Variants in METTL25 observed in about 807,000 individuals in gnomAD.
The protein encoded by METTL25 is probable methyltransferase-like protein 25.
Under a neutral mutation model 71.6 loss-of-function variants are expected in METTL25, and 64 were observed. That is an observed-to-expected ratio of 0.89 (90% CI 0.73 to 1.10). The LOEUF is 1.10. Ranked by LOEUF, METTL25 falls within the 50% of genes least tolerant of loss-of-function variation. The pLI, the probability that METTL25 is intolerant of heterozygous loss-of-function variation, is 0.00. For synonymous variants in METTL25, 287 were observed against 250.3 expected (o/e 1.15, Z -1.38); for missense variants, 807 against 707.0 (o/e 1.14, Z -1.60).
intron 9 of METTL25, among the ~76,000 whole-genome samples, chr12:82,473,730 G>A (rs1397217835): frequency 6.6e-6 from 1 of 152,166 alleles, no homozygotes; most frequent in East Asian, 1.9e-4. Flanking sequence ...GCCCTCAGGA[G>A]AGGGCACGCA....
intron 1 of METTL25, among the ~76,000 whole-genome samples, chr12:82,360,977 G>T (rs900960901): frequency 1.2e-4 from 19 of 152,184 alleles, no homozygotes; most frequent in African/African-American, 4.6e-4. Context: ...AACGCAGTGT[G>T]GACCCAAAGA....
chr12:82,370,327 G>T (rs1312735740), intron 1 of METTL25, among the ~76,000 whole-genome samples: 2 of 152,180 alleles, frequency 1.3e-5, no homozygotes, highest in Non-Finnish European at 2.9e-5. Flanking sequence ...AAAATATAGG[G>T]CCCGAAGGTG....
chr12:82,397,199 T>A (rs968150083), intron 3 of METTL25, among the ~76,000 whole-genome samples: 1 of 152,128 alleles, frequency 6.6e-6, no homozygotes, highest in African/African-American at 2.4e-5. Flanking sequence ...CCATTTTACA[T>A]CTGCGTACAT....
intron 9 of METTL25, among the ~76,000 whole-genome samples, chr12:82,471,511 A>T (rs1462080708): frequency 6.6e-6 from 1 of 152,238 alleles, no homozygotes; most frequent in Non-Finnish European, 1.5e-5. Context: ...GCATTCTGTG[A>T]AACAGAATAT....
chr12:82,452,168 G>A (rs776253361), intron 8 of METTL25, among the ~76,000 whole-genome samples: 3 of 152,140 alleles, frequency 2.0e-5, no homozygotes, highest in Non-Finnish European at 4.4e-5. Context: ...TCAAGAAACT[G>A]TAAAGATTTT....
chr12:82,469,965 C>T (rs1431869306), intron 9 of METTL25, among the ~76,000 whole-genome samples: 1 of 152,132 alleles, frequency 6.6e-6, no homozygotes, highest in Non-Finnish European at 1.5e-5. Context: ...TATGCTAAAA[C>T]TGACTCAGTC....
At chr12:82,402,435 C>T (rs1334514669) in intron 4 of METTL25, among the ~76,000 whole-genome samples, 1 of 151,830 alleles carries the variant, frequency 6.6e-6, no homozygotes. Context: ...TTGATTAGTC[C>T]AATTTTTGCT....
chr12:82,435,024 C>CTTA (rs1491503247), intron 7 of METTL25, among the ~76,000 whole-genome samples: 1 of 151,420 alleles, frequency 6.6e-6, no homozygotes, highest in Non-Finnish European at 1.5e-5. Flanking sequence ...TTTTTAGGTG[C>CTTA]TTAGTTCAAG....
At chr12:82,389,772 A>T (rs1318538167) in intron 2 of METTL25, 44 bp from the exon 3 acceptor site, 1 of 1,140,484 alleles carries the variant, frequency 8.8e-7, no homozygotes, top group Non-Finnish European at 1.3e-6. Flanking sequence ...ATTCCTACTA[A>T]ATTTTGATTC....
intron 1 of METTL25, chr12:82,369,434 C>T (rs921711172): frequency 6.7e-6 from 3 of 449,310 alleles, no homozygotes; most frequent in South Asian, 1.6e-5. Context: ...CGGACCTTTG[C>T]GGTGACTGTT....
intron 1 of METTL25, among the ~76,000 whole-genome samples, chr12:82,360,005 T>TA (rs2136774995): frequency 6.6e-6 from 1 of 152,344 alleles, no homozygotes; most frequent in African/African-American, 2.4e-5. Context: ...CAATTTTACT[T>TA]AAACTCCAAA....
chr12:82,433,146 T>C (rs948565978), intron 6 of METTL25, among the ~76,000 whole-genome samples: 1 of 151,696 alleles, frequency 6.6e-6, no homozygotes, highest in Non-Finnish European at 1.5e-5. Context: ...AATCACAATT[T>C]ATTATTTCTA....
chr12:82,420,504 A>G (rs1039408138), intron 5 of METTL25, among the ~76,000 whole-genome samples: 1 of 152,106 alleles, frequency 6.6e-6, no homozygotes, highest in Non-Finnish European at 1.5e-5. Context: ...AGCTTTTTAT[A>G]TGTCAACCAT....
intron 1 of METTL25, among the ~76,000 whole-genome samples, chr12:82,360,588 A>G (rs760555978): frequency 8.9e-4 from 135 of 152,210 alleles, no homozygotes; most frequent in Non-Finnish European, 1.0e-3. Flanking sequence ...CGCTGAAAAG[A>G]TAAGAAAAAA....
At chr12:82,368,441 ATC>A (rs1175853198) in intron 1 of METTL25, among the ~76,000 whole-genome samples, 1 of 152,114 alleles carries the variant, frequency 6.6e-6, no homozygotes, top group Admixed American at 6.5e-5. Context: ...TTTGTTGCAT[ATC>A]TCTGTGTGGC....
chr12:82,452,843 T>G (rs1891240006), intron 8 of METTL25, among the ~76,000 whole-genome samples: 1 of 152,088 alleles, frequency 6.6e-6, no homozygotes, highest in African/African-American at 2.4e-5. Context: ...ATATTGAATA[T>G]TTTATTTTAT....
chr12:82,423,102 G>A (rs1888671581), intron 5 of METTL25, among the ~76,000 whole-genome samples: 1 of 152,050 alleles, frequency 6.6e-6, no homozygotes, highest in African/African-American at 2.4e-5. Context: ...TAAGCCAAAA[G>A]AACAAAGCTG....
chr12:82,443,489 G>T (rs994220381), intron 8 of METTL25, among the ~76,000 whole-genome samples: 56 of 144,110 alleles, frequency 3.9e-4, no homozygotes, highest in Non-Finnish European at 6.7e-4. Flanking sequence ...AGAAAAAAAA[G>T]AATGCAGTAT....
intron 1 of METTL25, among the ~76,000 whole-genome samples, chr12:82,371,097 A>G (rs1883185504): frequency 6.6e-6 from 1 of 152,246 alleles, no homozygotes; most frequent in South Asian, 2.1e-4. Flanking sequence ...GAGGTGGGAG[A>G]AATACCTGGT....
Sources: allele counts gnomAD v4.1 joint callset (sites outside exome capture counted in the v4.1 genomes callset), GRCh38; gene constraint gnomAD v4.1.1; transcripts MANE v1.5; gene names NCBI Gene and HGNC (gene_info 2026-07-23, HGNC 2026-07-21).